The following PRR12 variants were observed in gnomAD, a reference collection of about 807,000 sequenced individuals.
PRR12 encodes proline-rich protein 12.
Under a neutral mutation model 138.0 loss-of-function variants are expected in PRR12, and 12 were observed. The observed-to-expected ratio is 0.09, with a 90% CI of 0.06 to 0.14. The LOEUF (loss-of-function observed/expected upper bound fraction) is 0.14, where lower values mean the gene tolerates loss of function less well. Ranked by LOEUF, PRR12 falls within the 10% of genes least tolerant of loss-of-function variation. The probability of loss-of-function intolerance (pLI) is 1.00; values close to 1 mark genes in which losing one functional copy is unlikely to be tolerated. For synonymous variants in PRR12, 1,567 were observed against 1,291.7 expected (o/e 1.21, Z -4.57); for missense variants, 2,692 against 2,861.3 (o/e 0.94, Z 1.35).
intron 6 of PRR12, among the ~76,000 whole-genome samples, chr19:49,608,335 C>CT (rs906442457): frequency 4.0e-5 from 6 of 151,270 alleles, no homozygotes; most frequent in South Asian, 2.1e-4. Context: ...ACACAAAATT[C>CT]TTTTTTTTTA....
At chr19:49,608,799 C>T (rs2080851015) in intron 6 of PRR12, among the ~76,000 whole-genome samples, 1 of 151,774 alleles carries the variant, frequency 6.6e-6, no homozygotes, top group Non-Finnish European at 1.5e-5. Context: ...ATGATTACAC[C>T]ACTGCACTCC....
Position 49,597,557 on chromosome 19 carries a change from G to A in PRR12, c.3222G>A (p.Lys1074=), listed in dbSNP as rs2080782347. ...CTACCAAGCCAAAGAAGCTGCTCAA[G>A]ACATCCTCCTTCCACCTGCTGCGGC... ...FCSTKPKKLL[K]TSSFHLLRRR... is the part of the protein sequence containing the mutation. Residue 1074 remains lysine (K), a synonymous_variant, in exon 4 of 14, where the codon AAG becomes AAA. Coordinates refer to ENST00000418929, the MANE Select transcript of PRR12 (RefSeq NM_020719.3). The surrounding 1 kb of genome is among the most constrained non-coding windows in gnomAD (Gnocchi z 6.3). 56 of 1,591,960 alleles carry A rather than the reference G, an allele frequency of 3.5e-5. No homozygotes were observed. The highest frequency in any genetic ancestry group is 4.8e-5 in the Non-Finnish European group (56 of 1,171,154).
chr19:49,603,282 C>T lies in PRR12; in HGVS notation c.4773+1364C>T, dbSNP rs144903911. Among the ~76,000 whole-genome samples, 25 of 152,234 alleles carry T rather than the reference C, an allele frequency of 1.6e-4. 2 individuals carry two copies. In the East Asian group the frequency reaches 4.6e-3, roughly 28 times the overall value. ...CTGAGCAGGTGCTCAGGAGGTCAGC[C>T]CATTCTCACCCTGATGGTGGCATGG... On this transcript the variant is annotated intron_variant, in intron 6 of 13. Transcript: ENST00000418929.
Position 49,597,150 on chromosome 19 carries a change from C to G in PRR12, c.2815C>G (p.Leu939Val). 1 of 1,551,858 alleles carries G rather than the reference C, an allele frequency of 6.4e-7. No individual in the cohort carries two copies. The highest frequency in any genetic ancestry group is 8.7e-7 in the Non-Finnish European group (1 of 1,147,796). The change falls in exon 4 of 14, where the codon CTC becomes GTC. Residue 939 changes from leucine (L) to valine (V), a missense_variant. Leu to Val is a conservative substitution (Grantham distance 32, BLOSUM62 1). This residue lies in a region of PRR12 where 840 missense variants were observed against 689.8 expected (regional missense o/e 1.22). Coordinates refer to ENST00000418929, the MANE Select transcript of PRR12 (RefSeq NM_020719.3). This position sits in a 1 kb window ranked among gnomAD's most constrained non-coding sequence, Gnocchi z 6.3. ...LTSICFPDSL[L>V]QDEERSFFPT... The stretch of plus-strand genomic sequence containing the variant: ...CTCCATCTGCTTCCCTGACTCCTTG[C>G]TCCAAGACGAGGAGCGCAGCTTCTT...
In PRR12 at chr19:49,615,970, G is replaced by A. The variant is rs1490338086; in HGVS notation, c.5248G>A (p.Gly1750Arg). The change falls in exon 9 of 14, where the codon GGA (glycine) becomes AGA (arginine). Residue 1750 changes from glycine (G) to arginine (R), a missense_variant. Physicochemically the swap from Gly to Arg is moderately radical, Grantham distance 125. Transcript: ENST00000418929. ...AAAGGAGAAGGAGAAGGTGACACGTGGAGAGCGGCCATTGCGGGGTGAGCG... is the reference window on the plus strand; with the variant it reads ...AAAGGAGAAGGAGAAGGTGACACGTAGAGAGCGGCCATTGCGGGGTGAGCG... ...KEKEKEKVTRGERPLRGERAT... is the reference protein window; with the variant it reads ...KEKEKEKVTRRERPLRGERAT... 7.7e-6 allele frequency: 12 copies of A among 1,552,986 alleles called. No individual in the cohort carries two copies. The highest frequency in any genetic ancestry group is 1.0e-5 in the Non-Finnish European group (12 of 1,147,726).
Position 49,595,778 on chromosome 19 carries a change from G to T in PRR12, c.1443G>T (p.Gln481His), listed in dbSNP as rs572577768. 2 of 1,598,832 alleles carry T rather than the reference G, an allele frequency of 1.3e-6. No homozygotes were observed. Among genetic ancestry groups the T allele is most frequent in the Admixed American group, 3.4e-5 (2 of 58,254 alleles). Residue 481 changes from glutamine (Q) to histidine (H), a missense_variant, in exon 4 of 14, where the codon CAG becomes CAT. By Grantham distance (24) the Gln-to-His change is conservative (BLOSUM62 0). Coordinates refer to ENST00000418929, the MANE Select transcript of PRR12 (RefSeq NM_020719.3). ...KAPSYSGGPP[Q>H]PPSGPPPPGL... ...CCAGCTACTCAGGGGGCCCCCCACA[G>T]CCCCCCAGCGGCCCCCCTCCTCCTG...
chr19:49,599,320 G>A lies in PRR12; in HGVS notation c.3727G>A (p.Gly1243Ser). 1 of 1,612,980 alleles carries A rather than the reference G, an allele frequency of 6.2e-7. No individual in the cohort carries two copies. Among genetic ancestry groups the A allele is most frequent in the Admixed American group, 1.7e-5 (1 of 59,976 alleles). ...TGGCGAGGGTCTGGGAACCTCATCG[G>A]GTGATGCCATATCAGGCACTGACCA... ...KAGEGLGTSS[G>S]DAISGTDHNS... The change falls in exon 5 of 14, where the codon GGT (glycine) becomes AGT (serine). Residue 1243 changes from glycine to serine, a missense_variant. Transcript: ENST00000418929. This position sits in a 1 kb window ranked among gnomAD's most constrained non-coding sequence, Gnocchi z 5.0.
Position 49,596,489 on chromosome 19 carries a change from G to A in PRR12, c.2154G>A (p.Leu718=), listed in dbSNP as rs372723162. The change falls in exon 4 of 14, where the codon CTG becomes CTA. Residue 718 remains leucine (L), a synonymous_variant. Coordinates refer to ENST00000418929, the MANE Select transcript of PRR12 (RefSeq NM_020719.3). This position sits in a 1 kb window ranked among gnomAD's most constrained non-coding sequence, Gnocchi z 5.6. ...TGGATGAGGGTGCCACTGCGGCACT[G>A]GAGCTGGGCCTGGGGAGGCTGAAGG... ...ASLDEGATAA[L]ELGLGRLKEK... 1.2e-6 allele frequency: 2 copies of A among 1,610,794 alleles called. No homozygotes were observed. Among genetic ancestry groups the A allele is most frequent in the African/African-American group, 1.3e-5 (1 of 74,982 alleles).
In PRR12 at chr19:49,595,033, A is replaced by G. The variant is rs762527737; in HGVS notation, c.698A>G (p.Asp233Gly). The G allele has an allele frequency of 3.2e-5, 50 of 1,555,284 alleles. No individual in the cohort carries two copies. Among genetic ancestry groups the G allele is most frequent in the Non-Finnish European group, 4.3e-5 (49 of 1,137,944 alleles). ...QTPPYRPGPP[D>G]PPPPPRHLPT... ...CCCCCTTACCGCCCTGGCCCCCCAG[A>G]CCCACCACCACCTCCTCGCCACCTC... The change falls in exon 4 of 14, where the codon GAC (aspartate) becomes GGC (glycine). Residue 233 changes from aspartate (D) to glycine (G), a missense_variant. Asp to Gly is a moderately conservative substitution (Grantham distance 94). Coordinates refer to ENST00000418929, the MANE Select transcript of PRR12 (RefSeq NM_020719.3).
chr19:49,593,546 C>T (rs1049164705), intron 2 of PRR12, 107 bp downstream of exon 2: 11 of 612,476 alleles, frequency 1.8e-5, no homozygotes, highest in African/African-American at 1.5e-4. Context: ...TGGCCCGTGC[C>T]GTGGCCCGCC....
At chr19:49,598,771 A>G (rs1278214652) in intron 4 of PRR12, among the ~76,000 whole-genome samples, 1 of 152,196 alleles carries the variant, frequency 6.6e-6, no homozygotes, top group Admixed American at 6.5e-5. Flanking sequence ...GCAGGGAGCT[A>G]TGATTGCATC....
chr19:49,602,978 A>G (rs948443708), intron 6 of PRR12, among the ~76,000 whole-genome samples: 9 of 152,236 alleles, frequency 5.9e-5, no homozygotes, highest in Non-Finnish European at 1.2e-4. Flanking sequence ...AATCCAGCCC[A>G]CTGCTTGTTT....
chr19:49,596,837 GCCACCTCCA>G lies in PRR12; in HGVS notation c.2505_2513del (p.Pro843_Pro845del). 6.3e-7 allele frequency: 1 copy of G among 1,591,194 alleles called. No homozygotes were observed. Among genetic ancestry groups the G allele is most frequent in the Non-Finnish European group, 8.5e-7 (1 of 1,175,154 alleles). On this transcript the variant is annotated inframe_deletion, in exon 4 of 14. Transcript: ENST00000418929. This position sits in a 1 kb window ranked among gnomAD's most constrained non-coding sequence, Gnocchi z 5.6. ...CAGCCACCCGCGATGGGGCACCCCA[GCCACCTCCA>G]CCGCCACCCCCGCCTCCACCACCCA... is the stretch of plus-strand genomic sequence containing the variant.
At chr19:49,603,156 C>T (rs978270602) in intron 6 of PRR12, among the ~76,000 whole-genome samples, 1 of 152,228 alleles carries the variant, frequency 6.6e-6, no homozygotes, top group Non-Finnish European at 1.5e-5. Context: ...GTACTGGGTT[C>T]ACTGGACAAA....
chr19:49,601,016 T>C (rs938183821), intron 5 of PRR12, among the ~76,000 whole-genome samples: 1 of 152,132 alleles, frequency 6.6e-6, no homozygotes, highest in East Asian at 1.9e-4. Context: ...TGAGCCACCA[T>C]GCCTGCCCTC....
At position 49,596,908 on chromosome 19, in the gene PRR12, G is replaced by A; in HGVS notation, c.2573G>A (p.Gly858Asp). The A allele has an allele frequency of 6.4e-7, 1 of 1,554,824 alleles. No individual in the cohort carries two copies. Among genetic ancestry groups the A allele is most frequent in the Non-Finnish European group, 8.6e-7 (1 of 1,157,480 alleles). Residue 858 changes from glycine (G) to aspartate (D), a missense_variant, in exon 4 of 14, where the codon GGC (glycine) becomes GAC (aspartate). By Grantham distance (94) the Gly-to-Asp change is moderately conservative. Around this residue, in one of 11 missense-constraint regions of PRR12, gnomAD observed 840 missense variants for 689.8 expected, o/e 1.22. Transcript: ENST00000418929. This position sits in a 1 kb window ranked among gnomAD's most constrained non-coding sequence, Gnocchi z 5.6. The part of the protein sequence containing the change: ...LQLEAHLRSH[G>D]LEPAAPSPRL... The stretch of plus-strand genomic sequence containing the variant: ...CTCGAGGCCCACCTCCGCAGCCATG[G>A]CCTGGAGCCCGCGGCCCCCAGCCCC...
Position 49,597,695 on chromosome 19 carries a change from C to T in PRR12, c.3360C>T (p.Arg1120=). The change falls in exon 4 of 14, where the codon CGC becomes CGT. Residue 1120 remains arginine, a synonymous_variant. Transcript: ENST00000418929. This position sits in a 1 kb window ranked among gnomAD's most constrained non-coding sequence, Gnocchi z 6.3. Reference sequence around the variant, plus strand: ...CCGACATCCGCCTCAACCCCCGGCGCTTGCCTGACCTGGTCTCCAGCTGCC... The same window carrying T: ...CCGACATCCGCCTCAACCCCCGGCGTTTGCCTGACCTGGTCTCCAGCTGCC... ...VPADIRLNPR[R]LPDLVSSCRS... 6.2e-7 allele frequency: 1 copy of T among 1,606,610 alleles called. No individual in the cohort carries two copies. The highest frequency in any genetic ancestry group is 8.5e-7 in the Non-Finnish European group (1 of 1,177,710).
At chr19:49,624,781 G>A (rs2080945896) in intron 11 of PRR12, 63 bp from the exon 12 acceptor site, 2 of 1,573,622 alleles carry the variant, frequency 1.3e-6, no homozygotes, top group Admixed American at 1.8e-5. Context: ...CTGAGACCTG[G>A]CTGTTGGGTT....
chr19:49,595,787 C>A lies in PRR12; in HGVS notation c.1452C>A (p.Ser484Arg). Residue 484 changes from serine to arginine, a missense_variant, in exon 4 of 14, where the codon AGC (serine) becomes AGA (arginine). Physicochemically the swap from Ser to Arg is moderately radical, Grantham distance 110 (BLOSUM62 -1). Around this residue, in one of 11 missense-constraint regions of PRR12, gnomAD observed 523 missense variants for 496.4 expected, o/e 1.05. Coordinates refer to ENST00000418929, the MANE Select transcript of PRR12 (RefSeq NM_020719.3). ...CAGGGGGCCCCCCACAGCCCCCCAG[C>A]GGCCCCCCTCCTCCTGGCCTGGCCA... ...SYSGGPPQPP[S>R]GPPPPGLATC... 6.3e-7 allele frequency: 1 copy of A among 1,596,756 alleles called. No individual in the cohort carries two copies. The highest frequency in any genetic ancestry group is 8.5e-7 in the Non-Finnish European group (1 of 1,173,238).
Sources: allele counts gnomAD v4.1 joint callset (sites outside exome capture counted in the v4.1 genomes callset), GRCh38; gene constraint gnomAD v4.1.1; regional missense constraint gnomAD v4.1.1; non-coding constraint Gnocchi (gnomAD v3.1); transcripts MANE v1.5; gene names NCBI Gene and HGNC (gene_info 2026-07-23, HGNC 2026-07-21).